The following MYL1 variants were observed in gnomAD, a reference collection of about 807,000 sequenced individuals.
MYL1 encodes the protein myosin light chain 1, also known as myosin light chain 1/3, skeletal muscle isoform.
A neutral mutation model predicts 21.8 loss-of-function variants in MYL1; 16 were observed. That is an observed-to-expected ratio of 0.74 (90% CI 0.50 to 1.12). The LOEUF (loss-of-function observed/expected upper bound fraction) is 1.12. Among genes scored for constraint, MYL1 ranks in the 50% most tolerant of loss-of-function variants. The pLI is 0.00. For synonymous variants in MYL1, 99 were observed against 85.2 expected (o/e 1.16, Z -0.89); for missense variants, 246 against 241.0 (o/e 1.02, Z -0.14).
chr2:210,302,090 C>T (rs1415873085), intron 2 of MYL1, among the ~76,000 whole-genome samples: 1 of 151,998 alleles, frequency 6.6e-6, no homozygotes, highest in African/African-American at 2.4e-5. Flanking sequence ...GTTTTGTAAT[C>T]AATTTTGTTT....
chr2:210,309,172 T>C (rs2125744280), intron 1 of MYL1, among the ~76,000 whole-genome samples: 1 of 152,248 alleles, frequency 6.6e-6, no homozygotes, highest in Non-Finnish European at 1.5e-5. Flanking sequence ...TTGTGAGTTT[T>C]CTATCCTTTT....
At chr2:210,294,119 G>T in intron 4 of MYL1, 126 bp downstream of exon 4, 3 of 1,045,950 alleles carry the variant, frequency 2.9e-6, no homozygotes, top group East Asian at 5.4e-5. Context: ...ATTAACTTTT[G>T]ACTATTTTTT....
chr2:210,312,057 T>C (rs1238242869), intron 1 of MYL1, among the ~76,000 whole-genome samples: 1 of 151,998 alleles, frequency 6.6e-6, no homozygotes, highest in Non-Finnish European at 1.5e-5. Flanking sequence ...ATTTAAGCAG[T>C]TGATAAAACT....
chr2:210,312,712 A>T (rs1296516315), intron 1 of MYL1, among the ~76,000 whole-genome samples: 1 of 151,608 alleles, frequency 6.6e-6, no homozygotes, highest in East Asian at 1.9e-4. Flanking sequence ...GGCCTTCTGG[A>T]TGGAAGATAA....
Position 210,294,407 on chromosome 2 carries a change from T to G in MYL1, c.316A>C (p.Lys106Gln). 6.2e-7 allele frequency: 1 copy of G among 1,613,840 alleles called. No homozygotes were observed. Among genetic ancestry groups the G allele is most frequent in the Non-Finnish European group, 8.5e-7 (1 of 1,179,816 alleles). The change falls in exon 4 of 7, where the codon AAG (lysine) becomes CAG (glutamine). Residue 106 changes from lysine (K) to glutamine (Q), a missense_variant. Physicochemically the swap from Lys to Gln is moderately conservative, Grantham distance 53 (BLOSUM62 1). Coordinates refer to ENST00000352451, the MANE Select transcript of MYL1 (RefSeq NM_079420.3). ...GNPSNEELNA[K>Q]KIEFEQFLPM... is the part of the protein sequence containing the mutation. Reference sequence around the variant, plus strand: ...AGAAATTGTTCAAACTCAATTTTCTTGGCATTCAGCTCTGTAAGAAATTGC... The same window carrying G: ...AGAAATTGTTCAAACTCAATTTTCTGGGCATTCAGCTCTGTAAGAAATTGC...
intron 1 of MYL1, among the ~76,000 whole-genome samples, chr2:210,307,316 A>G (rs200962898): frequency 1.2e-4 from 18 of 152,136 alleles, no homozygotes; most frequent in Admixed American, 3.3e-4. Context: ...GTAACTCTCT[A>G]TAGAATACCT....
chr2:210,307,707 C>A (rs1220391963), intron 1 of MYL1, among the ~76,000 whole-genome samples: 25 of 152,158 alleles, frequency 1.6e-4, no homozygotes, highest in Non-Finnish European at 4.4e-5. Flanking sequence ...TAGTCTACAA[C>A]ATACTGCTAC....
rs138709915 is a variant in MYL1 at position 210,297,653 on chromosome 2, A to G, written c.304+767T>C. 4.2e-3 allele frequency among the ~76,000 whole-genome samples: 638 copies of G among 152,104 alleles called. 3 individuals are homozygous for G. Among genetic ancestry groups the G allele is most frequent in the African/African-American group, 0.014 (591 of 41,542 alleles). On this transcript the variant is annotated intron_variant, in intron 3 of 6. Transcript: ENST00000352451. ...ATTAGACTATTATACTTTTCAATAA[A>G]ACCATTGGGATTAAAAATAATTTCC...
intron 1 of MYL1, among the ~76,000 whole-genome samples, chr2:210,314,127 C>A (rs543164478): frequency 1.1e-3 from 173 of 152,190 alleles, no homozygotes; most frequent in African/African-American, 4.1e-3. Context: ...TTGATCACAG[C>A]AAAGTGTTAA....
intron 1 of MYL1, among the ~76,000 whole-genome samples, chr2:210,307,243 G>A (rs947511674): frequency 1.3e-5 from 2 of 152,130 alleles, no homozygotes; most frequent in Non-Finnish European, 2.9e-5. Flanking sequence ...CTGGATGTGA[G>A]CCTACCCCAA....
At chr2:210,309,480 A>G (rs745981803) in intron 1 of MYL1, among the ~76,000 whole-genome samples, 14 of 152,072 alleles carry the variant, frequency 9.2e-5, no homozygotes, top group African/African-American at 3.1e-4. Flanking sequence ...AATAGCCAGA[A>G]TTTATCATCC....
At chr2:210,296,571 G>T (rs1690177350) in intron 3 of MYL1, among the ~76,000 whole-genome samples, 1 of 152,148 alleles carries the variant, frequency 6.6e-6, no homozygotes, top group African/African-American at 2.4e-5. Flanking sequence ...AGATGCTTGA[G>T]CTCAGGAGTT....
Position 210,303,037 on chromosome 2 carries a change from A to T in MYL1, c.133-522T>A, listed in dbSNP as rs1575705384. 2.0e-5 allele frequency: 11 copies of T among 543,144 alleles called. No individual in the cohort carries two copies. In the East Asian group the frequency reaches 2.7e-4, roughly 14 times the overall value. 33.6% of individuals were successfully genotyped at this position (543,144 alleles called of 1,614,324 possible). A position where few individuals can be genotyped will look rare whatever the true frequency, so the allele number is the denominator to read the frequency against. On this transcript the variant is annotated intron_variant, in intron 1 of 6. Transcript: ENST00000352451. Reference sequence around the variant, plus strand: ...TGCTACATTTAATACTTCCTAGAAAAATAATCTATAGTATATTTAAGATAT... The same window carrying T: ...TGCTACATTTAATACTTCCTAGAAATATAATCTATAGTATATTTAAGATAT...
intron 3 of MYL1, among the ~76,000 whole-genome samples, chr2:210,294,828 T>C (rs1462323484): frequency 6.6e-6 from 1 of 152,186 alleles, no homozygotes; most frequent in Non-Finnish European, 1.5e-5. Context: ...TTCCCATAAA[T>C]ACTTGCAAGC....
chr2:210,293,683 G>C, intron 5 of MYL1, 40 bp downstream of exon 5: 3 of 1,564,914 alleles, frequency 1.9e-6, no homozygotes, highest in Admixed American at 1.7e-5. Flanking sequence ...AATCTGATCA[G>C]TTAAGAGTTG....
chr2:210,298,564 C>T lies in MYL1; in HGVS notation c.161-1G>A, dbSNP rs1460813653. On this transcript the variant is annotated splice_acceptor_variant, in intron 2 of 6. Coordinates refer to ENST00000352451, the MANE Select transcript of MYL1 (RefSeq NM_079420.3). LOFTEE classifies it high-confidence loss of function. ...AACAGGAGAAATGCCTCCTTGAATTCTGCAAAAAGCAAGAAGCATTAGAGT... is the reference window on the plus strand; with the variant it reads ...AACAGGAGAAATGCCTCCTTGAATTTTGCAAAAAGCAAGAAGCATTAGAGT... The T allele has an allele frequency of 1.2e-6, 2 of 1,613,748 alleles. No homozygotes were observed.
chr2:210,301,879 T>TG (rs1690269959), intron 2 of MYL1, among the ~76,000 whole-genome samples: 1 of 152,186 alleles, frequency 6.6e-6, no homozygotes, highest in African/African-American at 2.4e-5. Flanking sequence ...CTATCACTAA[T>TG]TCTTTGAGTC....
chr2:210,309,489 C>A (rs6435561), intron 1 of MYL1, among the ~76,000 whole-genome samples: 17,330 of 151,982 alleles, frequency 0.11, 1,210 homozygotes, highest in African/African-American at 0.19. Context: ...AATTTATCAT[C>A]CATATAATAT....
At chr2:210,303,534 G>T (rs1369627638) in intron 1 of MYL1, 1 of 1,609,836 alleles carries the variant, frequency 6.2e-7, no homozygotes, top group South Asian at 1.1e-5. Flanking sequence ...TTGTCTCATA[G>T]GACCCACCAT....
Sources: gnomAD v4.1 joint callset for allele counts (sites outside exome capture counted in the v4.1 genomes callset) on GRCh38, gnomAD v4.1.1 for gene constraint, MANE v1.5 for transcripts, NCBI Gene and HGNC (gene_info 2026-07-23, HGNC 2026-07-21) for gene names.